The following UBR2 variants were observed in gnomAD, a reference collection of about 807,000 sequenced individuals.
UBR2 encodes the protein ubiquitin protein ligase E3 component n-recognin 2, also known as E3 ubiquitin-protein ligase UBR2.
A neutral mutation model predicts 247.9 loss-of-function variants in UBR2; 92 were observed. The observed-to-expected ratio is 0.37, with a 90% CI of 0.31 to 0.44. UBR2 has a LOEUF of 0.44. Ranked by LOEUF, UBR2 falls within the 20% of genes least tolerant of loss-of-function variation. UBR2 has a pLI of 1.00. For synonymous variants in UBR2, 672 were observed against 693.5 expected (o/e 0.97, Z 0.49); for missense variants, 1,613 against 2,112.6 (o/e 0.76, Z 4.64).
intron 32 of UBR2, 69 bp downstream of exon 32, chr6:42,663,488 A>G (rs1797937322): frequency 1.4e-6 from 2 of 1,472,410 alleles, no homozygotes. Flanking sequence ...ATAATAAATC[A>G]AGGAGGAAAA....
intron 11 of UBR2, among the ~76,000 whole-genome samples, chr6:42,618,941 G>A (rs911249015): frequency 6.6e-6 from 1 of 152,164 alleles, no homozygotes; most frequent in Non-Finnish European, 1.5e-5. Flanking sequence ...GCCACTTGCT[G>A]AATGATTAGC....
At chr6:42,646,967 G>A (rs1013562994) in intron 21 of UBR2, among the ~76,000 whole-genome samples, 7 of 151,298 alleles carry the variant, frequency 4.6e-5, no homozygotes, top group South Asian at 2.1e-4. Context: ...GATTACAGGC[G>A]CACGCCACCA....
At chr6:42,628,362 A>C (rs1268956175) in intron 11 of UBR2, among the ~76,000 whole-genome samples, 1 of 152,152 alleles carries the variant, frequency 6.6e-6, no homozygotes, top group African/African-American at 2.4e-5. Flanking sequence ...AATGTTTTAC[A>C]GCAGTGGTAC....
At chr6:42,586,207 A>T (rs992047195) in intron 2 of UBR2, among the ~76,000 whole-genome samples, 1 of 151,856 alleles carries the variant, frequency 6.6e-6, no homozygotes, top group African/African-American at 2.4e-5. Context: ...TCTACCAAAA[A>T]AAAAAAAATA....
At chr6:42,652,149 T>G in intron 24 of UBR2, 78 bp downstream of exon 24, 3 of 1,317,036 alleles carry the variant, frequency 2.3e-6, no homozygotes, top group Non-Finnish European at 3.1e-6. Context: ...CTATGATGAT[T>G]GTCCTTGGTG....
intron 4 of UBR2, 30 bp from the exon 5 acceptor site, chr6:42,603,558 T>C (rs967562864): frequency 3.0e-5 from 45 of 1,524,236 alleles, no homozygotes; most frequent in African/African-American, 5.7e-5. Context: ...CCTTTTTTTC[T>C]TTTTCTTTTT....
At position 42,687,749 on chromosome 6, in the gene UBR2, C is replaced by T. The variant is rs1799527537; in HGVS notation, c.4854-467C>T. Among the ~76,000 whole-genome samples, 3 of 152,118 alleles carry T rather than the reference C, an allele frequency of 2.0e-5. No homozygotes were observed. In the South Asian group the frequency reaches 6.2e-4, roughly 31 times the overall value. On this transcript the variant is annotated intron_variant, in intron 44 of 46. Transcript: ENST00000372901. ...AGAGACGGGGTTTCACCATATTGGT[C>T]AGGCTGGTCTCAAACTCCTGACCTC...
intron 40 of UBR2, 72 bp downstream of exon 40, chr6:42,676,945 C>T (rs1009407018): frequency 1.7e-5 from 22 of 1,273,772 alleles, no homozygotes; most frequent in African/African-American, 4.4e-5. Context: ...GAAAGGAATT[C>T]GTTTGTTAAT....
At chr6:42,574,059 C>G in intron 2 of UBR2, 66 bp downstream of exon 2, 1 of 1,429,962 alleles carries the variant, frequency 7.0e-7, no homozygotes. Context: ...TTCCCTGGAA[C>G]TTTTGAGTTT....
rs774398485 is a variant in UBR2 at position 42,670,109 on chromosome 6, G to A, written c.3899G>A (p.Ser1300Asn). ...DFRPKIPYSE[S>N]IKEMLTTFGT... ...TACTTCAGGATCCCTTATTCTGAGA[G>A]CATAAAAGAAATGCTAACGACATTT... Residue 1300 changes from serine (S) to asparagine (N), a missense_variant, in exon 35 of 47, where the codon AGC (serine) becomes AAC (asparagine). Ser to Asn is a conservative substitution (Grantham distance 46, BLOSUM62 1). Coordinates refer to ENST00000372901, the MANE Select transcript of UBR2 (RefSeq NM_001363705.2). 7.4e-6 allele frequency: 12 copies of A among 1,614,066 alleles called. No homozygotes were observed. In the South Asian group the frequency reaches 1.3e-4, roughly 18 times the overall value.
At chr6:42,688,149 T>C in intron 44 of UBR2, 67 bp from the exon 45 acceptor site, 1 of 1,605,240 alleles carries the variant, frequency 6.2e-7, no homozygotes, top group Non-Finnish European at 8.5e-7. Flanking sequence ...TCTGGGCTGG[T>C]TTTTTCATCA....
At chr6:42,638,873 G>A (rs1247719852) in intron 15 of UBR2, among the ~76,000 whole-genome samples, 2 of 152,038 alleles carry the variant, frequency 1.3e-5, no homozygotes, top group Admixed American at 1.3e-4. Context: ...AATTTTATGG[G>A]AGGAAGCTGA....
At chr6:42,610,909 G>A (rs975970748) in intron 7 of UBR2, among the ~76,000 whole-genome samples, 4 of 150,420 alleles carry the variant, frequency 2.7e-5, no homozygotes, top group Non-Finnish European at 4.4e-5. Flanking sequence ...GCAATGGCGC[G>A]ATCTCAGCTC....
chr6:42,691,499 T>C lies in UBR2; in HGVS notation c.*326T>C, dbSNP rs1039576664. On this transcript the variant is annotated 3_prime_UTR_variant, in exon 47 of 47. Transcript: ENST00000372901. ...TGATATTTCACGTTATTGATGATAGTGAACCGTGGGTCCGAAGCTGACTCA... is the reference window on the plus strand; with the variant it reads ...TGATATTTCACGTTATTGATGATAGCGAACCGTGGGTCCGAAGCTGACTCA... 27 of 316,314 alleles carry C rather than the reference T, an allele frequency of 8.5e-5. No individual in the cohort carries two copies. The highest frequency in any genetic ancestry group is 1.4e-4 in the Non-Finnish European group (23 of 167,650). 19.6% of individuals were successfully genotyped at this position (316,314 alleles called of 1,614,324 possible).
chr6:42,635,216 A>C (rs1337962178), intron 13 of UBR2, among the ~76,000 whole-genome samples: 2 of 152,184 alleles, frequency 1.3e-5, no homozygotes, highest in African/African-American at 4.8e-5. Flanking sequence ...TGGGATTTCT[A>C]AATTTATATT....
intron 11 of UBR2, among the ~76,000 whole-genome samples, chr6:42,624,649 A>G (rs940851638): frequency 6.6e-6 from 1 of 152,160 alleles, no homozygotes; most frequent in Non-Finnish European, 1.5e-5. Context: ...TTTGGTGAGC[A>G]GAAAACTAGG....
chr6:42,619,525 G>T, intron 11 of UBR2: 1 of 226,434 alleles, frequency 4.4e-6, no homozygotes, highest in South Asian at 1.6e-4. Context: ...AAGGCAGGTG[G>T]ATCACCTGAG....
At chr6:42,616,754 C>T (rs746075896) in intron 10 of UBR2, among the ~76,000 whole-genome samples, 18 of 151,676 alleles carry the variant, frequency 1.2e-4, no homozygotes, top group Admixed American at 5.3e-4. Flanking sequence ...ACCTGAATTA[C>T]GAAGTATATG....
rs566333665 is a variant in UBR2, at chr6:42,592,891, G to A, written c.417+662G>A. Among the ~76,000 whole-genome samples, 7 of 152,124 alleles carry A rather than the reference G, an allele frequency of 4.6e-5. No homozygotes were observed. In the South Asian group the frequency reaches 8.3e-4, roughly 18 times the overall value. Reference sequence around the variant, plus strand: ...CATAATAATGAACTAAAACAGCTACGGGGCCGGGCGCAGTGGCTAATGCCT... The same window carrying A: ...CATAATAATGAACTAAAACAGCTACAGGGCCGGGCGCAGTGGCTAATGCCT... On this transcript the variant is annotated intron_variant, in intron 3 of 46. Transcript: ENST00000372901.
Sources: allele counts gnomAD v4.1 joint callset (sites outside exome capture counted in the v4.1 genomes callset), GRCh38; gene constraint gnomAD v4.1.1; transcripts MANE v1.5; gene names NCBI Gene and HGNC (gene_info 2026-07-23, HGNC 2026-07-21).